The following ATXN7 variants were observed in gnomAD, a reference collection of about 807,000 sequenced individuals.
ATXN7 encodes ataxin-7.
A neutral mutation model predicts 70.5 loss-of-function variants in ATXN7; 12 were observed. That is an observed-to-expected ratio of 0.17 (90% CI 0.11 to 0.28). ATXN7 has a LOEUF of 0.28. ATXN7 is among the 10% of genes least tolerant of loss of function. The pLI is 1.00. For synonymous variants in ATXN7, 498 were observed against 448.7 expected (o/e 1.11, Z -1.39); for missense variants, 1,256 against 1,131.7 (o/e 1.11, Z -1.58).
chr3:63,998,583 T>A (rs923441223), intron 12 of ATXN7: 1 of 985,380 alleles, frequency 1.0e-6, no homozygotes, highest in Non-Finnish European at 1.2e-6. Context: ...CTTAAGTTTG[T>A]GTTTGAGAGA....
In ATXN7 at chr3:64,003,107, T is replaced by C. The variant is rs1456792352; in HGVS notation, c.*3640T>C. 1 of 151,894 alleles carries C rather than the reference T, an allele frequency of 6.6e-6. No homozygotes were observed. Among genetic ancestry groups the C allele is most frequent in the Non-Finnish European group, 1.5e-5 (1 of 67,952 alleles). 9.4% of individuals were successfully genotyped at this position (151,894 alleles called of 1,614,324 possible). On this transcript the variant is annotated 3_prime_UTR_variant, in exon 13 of 13. Transcript: ENST00000674280. The stretch of plus-strand genomic sequence containing the variant: ...TAAAAGTTTGTTTAGCAGAAAATAA[T>C]CACTTTTACATTTTGTGCAAAACAT...
intron 5 of ATXN7, chr3:63,968,096 G>T (rs192284999): frequency 9.7e-5 from 78 of 801,322 alleles, no homozygotes; most frequent in Non-Finnish European, 1.3e-4. Context: ...GATTTGGGAA[G>T]AGTTTATGCA....
chr3:63,876,678 A>C (rs752350305), intron 1 of ATXN7, among the ~76,000 whole-genome samples: 73 of 152,192 alleles, frequency 4.8e-4, no homozygotes, highest in Non-Finnish European at 1.0e-4. Context: ...CTGATCTGAG[A>C]GTAGGCAGGT....
intron 5 of ATXN7, among the ~76,000 whole-genome samples, chr3:63,965,598 A>T (rs902304996): frequency 6.6e-6 from 1 of 152,216 alleles, no homozygotes; most frequent in South Asian, 2.1e-4. Flanking sequence ...TTTAGTCTGT[A>T]GTCTTAATTT....
At chr3:63,898,949 T>C (rs1703527922) in intron 2 of ATXN7, among the ~76,000 whole-genome samples, 2 of 152,242 alleles carry the variant, frequency 1.3e-5, no homozygotes, top group Non-Finnish European at 2.9e-5. Flanking sequence ...AGGCAAGCGT[T>C]CTTCAGGAAC....
In ATXN7 at chr3:63,995,786, C is replaced by T. The variant is rs772012460; in HGVS notation, c.1964C>T (p.Thr655Met). The change falls in exon 12 of 13, where the codon ACG (threonine) becomes ATG (methionine). Residue 655 changes from threonine to methionine, a missense_variant. Physicochemically the swap from Thr to Met is moderately conservative, Grantham distance 81. Transcript: ENST00000674280. ...TCCTCTTCATCCTCATCCCCTTCCA[C>T]GCCCTCTGGCCTTTCCTCGGTTCCT... ...QVSSSSSSPS[T>M]PSGLSSVPSS... 2.5e-5 allele frequency: 41 copies of T among 1,614,118 alleles called. No individual in the cohort carries two copies. Among genetic ancestry groups the T allele is most frequent in the South Asian group, 1.5e-4 (14 of 91,092 alleles).
intron 5 of ATXN7, among the ~76,000 whole-genome samples, chr3:63,960,850 T>C (rs2075117202): frequency 6.7e-6 from 1 of 149,806 alleles, no homozygotes; most frequent in Non-Finnish European, 1.5e-5. Flanking sequence ...AAGTTGGGGG[T>C]GGGGGGTCAT....
intron 5 of ATXN7, among the ~76,000 whole-genome samples, chr3:63,971,402 G>A (rs1475526845): frequency 1.3e-5 from 2 of 152,152 alleles, no homozygotes; most frequent in Non-Finnish European, 2.9e-5. Context: ...TTCATCAAGT[G>A]CCTGGGGAAC....
intron 2 of ATXN7, among the ~76,000 whole-genome samples, chr3:63,906,790 G>C (rs192787729): frequency 6.6e-6 from 1 of 152,316 alleles, no homozygotes; most frequent in East Asian, 1.9e-4. Context: ...GGGTTGGGGT[G>C]GGGGCATGTT....
chr3:63,886,509 A>G (rs1703090903), intron 1 of ATXN7, among the ~76,000 whole-genome samples: 2 of 152,226 alleles, frequency 1.3e-5, no homozygotes, highest in South Asian at 4.1e-4. Context: ...TTTGTCACTC[A>G]TGCCTTAAAG....
intron 5 of ATXN7, among the ~76,000 whole-genome samples, chr3:63,956,420 C>CAAA (rs1175948780): frequency 4.6e-4 from 17 of 36,680 alleles, no homozygotes; most frequent in South Asian, 1.5e-3. Flanking sequence ...GACTGCATCT[C>CAAA]AAAAAAAAAA....
Position 63,912,716 on chromosome 3 carries a change from C to CAGT in ATXN7, c.118_119insAGT (p.Pro40delinsGlnSer). 8.2e-7 allele frequency: 1 copy of CAGT among 1,222,172 alleles called. No individual in the cohort carries two copies. The highest frequency in any genetic ancestry group is 3.2e-5 in the South Asian group (1 of 31,308). 75.7% of individuals were successfully genotyped at this position (1,222,172 alleles called of 1,614,324 possible). A position where few individuals can be genotyped will look rare whatever the true frequency, so the allele number is the denominator to read the frequency against. On this transcript the variant is annotated protein_altering_variant, in exon 3 of 13. Transcript: ENST00000674280. ...GCAGCAGCAGCAGCAGCAGCAGCAG[C>CAGT]CGCCGCCTCCGCAGCCCCAGCGGCA...
At chr3:63,915,186 C>T (rs996509144) in intron 4 of ATXN7, among the ~76,000 whole-genome samples, 11 of 152,164 alleles carry the variant, frequency 7.2e-5, no homozygotes, top group African/African-American at 2.2e-4. Context: ...CCACCTGCCT[C>T]GGCCTCCCAA....
intron 2 of ATXN7, chr3:63,905,911 T>TA (rs1295087880): frequency 6.6e-6 from 1 of 152,222 alleles, no homozygotes; most frequent in Non-Finnish European, 1.5e-5. Context: ...TGATGTCATT[T>TA]AAAATCAGAA....
chr3:63,991,281 A>C (rs1429444545), intron 11 of ATXN7, among the ~76,000 whole-genome samples: 38 of 98,656 alleles, frequency 3.9e-4, no homozygotes, highest in African/African-American at 1.1e-3. Context: ...CCATGATTAT[A>C]CCCTCCCCCC....
rs182715588 is a variant in ATXN7 at position 63,973,561 on chromosome 3, G to A, written c.500-6354G>A. On this transcript the variant is annotated intron_variant, in intron 5 of 12. Coordinates refer to ENST00000674280, the MANE Select transcript of ATXN7 (RefSeq NM_001377405.1). ...GTCACTCTGCAAACCAGGGATGCCC[G>A]GCCAGTGATACGCCCTGCTTGGGCC... is the stretch of plus-strand genomic sequence containing the variant. Among the ~76,000 whole-genome samples the A allele has an allele frequency of 3.2e-4, 48 of 152,228 alleles. No individual in the cohort carries two copies. In the Middle Eastern group the frequency reaches 0.01, roughly 32 times the overall value.
chr3:63,973,622 G>T (rs2075349849), intron 5 of ATXN7, among the ~76,000 whole-genome samples: 1 of 152,174 alleles, frequency 6.6e-6, no homozygotes. Flanking sequence ...CAGCTTGCCT[G>T]TGTTAAGGTT....
chr3:63,883,229 T>C (rs533016247), intron 1 of ATXN7, among the ~76,000 whole-genome samples: 3 of 152,318 alleles, frequency 2.0e-5, no homozygotes, highest in African/African-American at 7.2e-5. Context: ...TAAATGTTTA[T>C]TGAATATAAA....
At chr3:63,971,725 ATAT>A (rs1416858124) in intron 5 of ATXN7, among the ~76,000 whole-genome samples, 1 of 152,158 alleles carries the variant, frequency 6.6e-6, no homozygotes, top group Non-Finnish European at 1.5e-5. Context: ...TCTTTCAGAG[ATAT>A]TATTGCTTAG....
Sources: allele counts gnomAD v4.1 joint callset (sites outside exome capture counted in the v4.1 genomes callset), GRCh38; gene constraint gnomAD v4.1.1; transcripts MANE v1.5; gene names NCBI Gene and HGNC (gene_info 2026-07-23, HGNC 2026-07-21).